The following CUL3 variants were observed in gnomAD, a reference collection of about 807,000 sequenced individuals.
The protein encoded by CUL3 is cullin-3.
A neutral mutation model predicts 89.1 loss-of-function variants in CUL3; 19 were observed. That is an observed-to-expected ratio of 0.21 (90% CI 0.15 to 0.31). CUL3 has a LOEUF of 0.31. Ranked by LOEUF, CUL3 falls within the 10% of genes least tolerant of loss-of-function variation. The pLI is 1.00. For missense variants in CUL3, 469 were observed against 942.3 expected, an observed-to-expected ratio of 0.50 and a Z score of 6.58; for synonymous variants, 351 against 308.4, an observed-to-expected ratio of 1.14 and a Z score of -1.45.
At chr2:224,542,237 A>C (rs527592609) in intron 2 of CUL3, among the ~76,000 whole-genome samples, 1 of 152,198 alleles carries the variant, frequency 6.6e-6, no homozygotes, top group Non-Finnish European at 1.5e-5. Flanking sequence ...CTTGACCACT[A>C]TTCTTTGTTT....
intron 1 of CUL3, among the ~76,000 whole-genome samples, chr2:224,559,675 T>C (rs1307278749): frequency 1.3e-5 from 2 of 152,128 alleles, no homozygotes; most frequent in Non-Finnish European, 2.9e-5. Flanking sequence ...GCAACTACTC[T>C]TGAGAAGGCC....
chr2:224,583,941 T>C (rs758680662), intron 1 of CUL3, among the ~76,000 whole-genome samples: 21 of 152,252 alleles, frequency 1.4e-4, no homozygotes, highest in Non-Finnish European at 2.8e-4. Flanking sequence ...AATTTTACTT[T>C]TTAAAATCTT....
At chr2:224,496,044 T>C (rs939392391) in intron 12 of CUL3, 78 bp from the exon 13 acceptor site, 27 of 1,437,718 alleles carry the variant, frequency 1.9e-5, no homozygotes, top group Admixed American at 5.5e-5. Context: ...TACGTACATA[T>C]GTATGTTACA....
rs1441894457 is a variant in CUL3 at position 224,487,441 on chromosome 2, C to T, written c.1843-5363G>A. Among the ~76,000 whole-genome samples the T allele has an allele frequency of 1.3e-4, 13 of 99,136 alleles. No individual in the cohort carries two copies. The South Asian group carries it at 3.6e-3, about 28-fold the overall frequency. 65.0% of individuals were successfully genotyped at this position (99,136 alleles called of 152,430 possible). On this transcript the variant is annotated intron_variant, in intron 13 of 15. Coordinates refer to ENST00000264414, the MANE Select transcript of CUL3 (RefSeq NM_003590.5). ...AGGAATATTTACCAAGCCCGCCCCC[C>T]CCAAAAAAAAAAAAAAAAAAAAAAG...
chr2:224,492,660 C>A (rs1692029635), intron 13 of CUL3, among the ~76,000 whole-genome samples: 1 of 152,100 alleles, frequency 6.6e-6, no homozygotes, highest in Admixed American at 6.5e-5. Context: ...AAAGAAAAAA[C>A]CTCAGCAGCA....
At chr2:224,508,520 A>ATAT (rs1316786398) in intron 6 of CUL3, among the ~76,000 whole-genome samples, 1 of 152,206 alleles carries the variant, frequency 6.6e-6, no homozygotes, top group Non-Finnish European at 1.5e-5. Flanking sequence ...TTTTGCTTAG[A>ATAT]TATTACATGT....
At chr2:224,579,044 ATTAC>A (rs549102450) in intron 1 of CUL3, among the ~76,000 whole-genome samples, 135 of 152,318 alleles carry the variant, frequency 8.9e-4, no homozygotes, top group Non-Finnish European at 1.5e-3. Flanking sequence ...TATATTTCAT[ATTAC>A]TTAAATAGTT....
At chr2:224,539,154 A>G (rs1694001639) in intron 2 of CUL3, among the ~76,000 whole-genome samples, 1 of 152,238 alleles carries the variant, frequency 6.6e-6, no homozygotes, top group Non-Finnish European at 1.5e-5. Context: ...TAAAAAGGCA[A>G]AAGATCTTGA....
chr2:224,559,130 G>T (rs1194322110), intron 1 of CUL3, among the ~76,000 whole-genome samples: 2 of 151,866 alleles, frequency 1.3e-5, no homozygotes, highest in African/African-American at 4.8e-5. Flanking sequence ...TCCTCTGGTA[G>T]ATAATTTCCA....
Position 224,495,094 on chromosome 2 carries a change from A to G in CUL3, c.1842+738T>C, listed in dbSNP as rs74272774. On this transcript the variant is annotated intron_variant, in intron 13 of 15. Coordinates refer to ENST00000264414, the MANE Select transcript of CUL3 (RefSeq NM_003590.5). ...TCACCAAACAAGATATATCAGTGGCATATTAACACATAAAAGATGCTCAAC... is the reference window on the plus strand; with the variant it reads ...TCACCAAACAAGATATATCAGTGGCGTATTAACACATAAAAGATGCTCAAC... The G allele has an allele frequency of 9.9e-5, 15 of 152,160 alleles. No individual in the cohort carries two copies. The East Asian group carries it at 2.5e-3, about 26-fold the overall frequency. The allele number at this position is 152,160 out of a possible 1,614,324, so 9.4% of individuals were successfully genotyped here. A position where few individuals can be genotyped will look rare whatever the true frequency, so the allele number is the denominator to read the frequency against.
intron 1 of CUL3, among the ~76,000 whole-genome samples, chr2:224,581,556 G>A (rs1442242147): frequency 2.0e-5 from 3 of 148,190 alleles, no homozygotes; most frequent in Admixed American, 2.0e-4. Flanking sequence ...AGGCTGGAGT[G>A]CAGTGGCACG....
rs1356105975 is a variant in CUL3 at position 224,557,997 on chromosome 2, TAAC to T, written c.67-144_67-142del. 1.6e-5 allele frequency: 9 copies of T among 549,860 alleles called. No individual in the cohort carries two copies. In the East Asian group the frequency reaches 1.7e-4, roughly 10 times the overall value. 34.1% of individuals were successfully genotyped at this position (549,860 alleles called of 1,614,324 possible). On this transcript the variant is annotated intron_variant, in intron 1 of 15. Coordinates refer to ENST00000264414, the MANE Select transcript of CUL3 (RefSeq NM_003590.5). ...ATAAATCTATGACACATAAGAACAT[TAAC>T]AACCTATTTTAACAGGGGGAAAAAA...
chr2:224,523,949 T>A (rs982539994), intron 3 of CUL3, among the ~76,000 whole-genome samples: 5 of 152,122 alleles, frequency 3.3e-5, no homozygotes, highest in Non-Finnish European at 5.9e-5. Context: ...GTACAGAATT[T>A]CAGTTTTGCA....
At chr2:224,519,521 T>C (rs1693185374) in intron 3 of CUL3, among the ~76,000 whole-genome samples, 1 of 149,574 alleles carries the variant, frequency 6.7e-6, no homozygotes, top group South Asian at 2.1e-4. Flanking sequence ...AAATGACATA[T>C]AATATTAAGA....
At chr2:224,541,055 A>G (rs556292708) in intron 2 of CUL3, among the ~76,000 whole-genome samples, 8 of 152,350 alleles carry the variant, frequency 5.3e-5, no homozygotes, top group Non-Finnish European at 8.8e-5. Context: ...ATGTCATCTG[A>G]TAATTTTAAG....
intron 2 of CUL3, among the ~76,000 whole-genome samples, chr2:224,554,465 G>A (rs1694631074): frequency 6.6e-6 from 1 of 152,046 alleles, no homozygotes; most frequent in Non-Finnish European, 1.5e-5. Context: ...ACTACAACTT[G>A]ATCATTCTAC....
chr2:224,562,619 C>G (rs958241052), intron 1 of CUL3: 7 of 136,292 alleles, frequency 5.1e-5, no homozygotes, highest in African/African-American at 1.9e-4. Context: ...GCCTAGGCAA[C>G]AGAGCAAGAC....
In CUL3 at chr2:224,470,998, C is replaced by CCTAACT. The variant is rs1370381767; in HGVS notation, c.*3246_*3247insAGTTAG. ...TAATGACAGTTATGTCACATAAAGC[C>CCTAACT]AATATGACAACTAAATGAATGAATA... On this transcript the variant is annotated 3_prime_UTR_variant, in exon 16 of 16. Coordinates refer to ENST00000264414, the MANE Select transcript of CUL3 (RefSeq NM_003590.5). The CCTAACT allele has an allele frequency of 4.4e-6, 1 of 227,932 alleles. No individual in the cohort carries two copies. The highest frequency in any genetic ancestry group is 2.2e-5 in the African/African-American group (1 of 45,058). 14.1% of individuals were successfully genotyped at this position (227,932 alleles called of 1,614,324 possible). A position where few individuals can be genotyped will look rare whatever the true frequency, so the allele number is the denominator to read the frequency against.
At chr2:224,566,432 C>G (rs903936933) in intron 1 of CUL3, among the ~76,000 whole-genome samples, 1 of 152,204 alleles carries the variant, frequency 6.6e-6, no homozygotes, top group African/African-American at 2.4e-5. Context: ...GTTAGCTTAT[C>G]CCTTCCTGCC....
Sources: gnomAD v4.1 joint callset for allele counts (sites outside exome capture counted in the v4.1 genomes callset) on GRCh38, gnomAD v4.1.1 for gene constraint, MANE v1.5 for transcripts, NCBI Gene and HGNC (gene_info 2026-07-23, HGNC 2026-07-21) for gene names.